DNAH9: variants seen among roughly 807,000 people sequenced by gnomAD.
The protein encoded by DNAH9 is DNAH9 variant protein.
In DNAH9, 345 loss-of-function variants were observed where a neutral mutation model predicts 471.6. That is an observed-to-expected ratio of 0.73 (90% CI 0.67 to 0.80). The LOEUF (loss-of-function observed/expected upper bound fraction) is 0.80, where lower values mean the gene tolerates loss of function less well. Among genes scored for constraint, DNAH9 ranks in the 30% least tolerant of loss-of-function variants. The pLI, the probability that DNAH9 is intolerant of heterozygous loss-of-function variation, is 0.00. For missense variants in DNAH9, 5,407 were observed against 5,609.2 expected, an observed-to-expected ratio of 0.96 and a Z score of 1.15; for synonymous variants, 2,093 against 2,123.6, an observed-to-expected ratio of 0.99 and a Z score of 0.40.
intron 9 of DNAH9, among the ~76,000 whole-genome samples, chr17:11,637,186 T>TG (rs2150680699): frequency 6.6e-6 from 1 of 152,250 alleles, no homozygotes; most frequent in East Asian, 1.9e-4. Flanking sequence ...ATGCTTCTGG[T>TG]GGGAGGAACC....
chr17:11,727,590 G>A (rs2075178109), intron 27 of DNAH9, among the ~76,000 whole-genome samples: 1 of 152,084 alleles, frequency 6.6e-6, no homozygotes, highest in Non-Finnish European at 1.5e-5. Context: ...CATTTTAAAG[G>A]GATTTTCATC....
Position 11,616,898 on chromosome 17 carries a change from A to G in DNAH9, c.905-513A>G, listed in dbSNP as rs547494017. ...TCATCAGAGCCACCACCATTTATCAAACACCTGCATTGGTCCAAGCACTGT... is the reference window on the plus strand; with the variant it reads ...TCATCAGAGCCACCACCATTTATCAGACACCTGCATTGGTCCAAGCACTGT... On this transcript the variant is annotated intron_variant, in intron 4 of 68. Transcript: ENST00000262442. Among the ~76,000 whole-genome samples the G allele has an allele frequency of 5.9e-5, 9 of 152,268 alleles. No individual in the cohort carries two copies. In the East Asian group the frequency reaches 1.5e-3, roughly 26 times the overall value.
At chr17:11,628,959 A>G (rs2073017117) in intron 6 of DNAH9, among the ~76,000 whole-genome samples, 2 of 152,062 alleles carry the variant, frequency 1.3e-5, no homozygotes. Flanking sequence ...AGTTATTTTT[A>G]CCAGCCCGAT....
chr17:11,957,641 T>G (rs1975719504), intron 67 of DNAH9, among the ~76,000 whole-genome samples: 1 of 148,180 alleles, frequency 6.7e-6, no homozygotes, highest in African/African-American at 2.5e-5. Context: ...AACAAAACTG[T>G]TCTCTTCAGC....
rs765907097 is a variant in DNAH9 at position 11,680,907 on chromosome 17, C to T, written c.3743+18C>T. 10 of 1,593,960 alleles carry T rather than the reference C, an allele frequency of 6.3e-6. No individual in the cohort carries two copies. The highest frequency in any genetic ancestry group is 8.6e-6 in the Non-Finnish European group (10 of 1,168,962). ...CCGTTCAGGTATGGGCCGAACACTGCTGCCTCTCTTTCTGTGAACACTGCA... is the reference window on the plus strand; with the variant it reads ...CCGTTCAGGTATGGGCCGAACACTGTTGCCTCTCTTTCTGTGAACACTGCA... On this transcript the variant is annotated intron_variant, in intron 19 of 68. Coordinates refer to ENST00000262442, the MANE Select transcript of DNAH9 (RefSeq NM_001372.4).
chr17:11,778,206 G>A (rs1051817876), intron 38 of DNAH9, among the ~76,000 whole-genome samples: 1 of 151,488 alleles, frequency 6.6e-6, no homozygotes, highest in African/African-American at 2.4e-5. Context: ...CTCATGATCA[G>A]AAACAACTAC....
intron 17 of DNAH9, among the ~76,000 whole-genome samples, chr17:11,679,192 C>T (rs1467972005): frequency 2.0e-5 from 3 of 152,120 alleles, no homozygotes; most frequent in Non-Finnish European, 4.4e-5. Flanking sequence ...TTTGTTTCTT[C>T]CTGCCATATA....
chr17:11,735,012 T>G (rs1402054536), intron 28 of DNAH9, among the ~76,000 whole-genome samples: 1 of 152,134 alleles, frequency 6.6e-6, no homozygotes, highest in East Asian at 1.9e-4. Context: ...TGGACCCCAT[T>G]CCCAGAATTT....
intron 62 of DNAH9, among the ~76,000 whole-genome samples, chr17:11,925,826 C>T (rs1278537960): frequency 6.6e-6 from 1 of 152,070 alleles, no homozygotes; most frequent in Non-Finnish European, 1.5e-5. Context: ...GCCTGCCTTT[C>T]CCCCTGAATA....
chr17:11,692,097 A>G (rs571935961), intron 20 of DNAH9, among the ~76,000 whole-genome samples: 6 of 152,208 alleles, frequency 3.9e-5, no homozygotes, highest in African/African-American at 1.4e-4. Flanking sequence ...CACTGTGCCC[A>G]GCCTACCCTC....
rs191749106 is a variant in DNAH9 at position 11,605,061 on chromosome 17, C to T, written c.418-3068C>T. ...CACCTATTCTTTGGGATCACTCTGT[C>T]CCCGCTTTCCTTGCTTCCACACTGC... On this transcript the variant is annotated intron_variant, in intron 1 of 68. Coordinates refer to ENST00000262442, the MANE Select transcript of DNAH9 (RefSeq NM_001372.4). Among the ~76,000 whole-genome samples the T allele has an allele frequency of 3.3e-5, 5 of 152,274 alleles. No homozygotes were observed. The East Asian group carries it at 9.7e-4, about 29-fold the overall frequency.
intron 8 of DNAH9, among the ~76,000 whole-genome samples, chr17:11,634,484 C>T (rs1486019718): frequency 6.6e-6 from 1 of 152,152 alleles, no homozygotes; most frequent in African/African-American, 2.4e-5. Flanking sequence ...GGACTGTGAA[C>T]AGACGGTGCA....
chr17:11,888,052 G>C (rs563464808), intron 57 of DNAH9, among the ~76,000 whole-genome samples: 1 of 150,916 alleles, frequency 6.6e-6, no homozygotes, highest in South Asian at 2.1e-4. Flanking sequence ...GCGCGATCTC[G>C]GCTTACTGCA....
intron 48 of DNAH9, among the ~76,000 whole-genome samples, chr17:11,831,206 C>A (rs1970675265): frequency 6.6e-6 from 1 of 152,140 alleles, no homozygotes; most frequent in Non-Finnish European, 1.5e-5. Context: ...TTATTTGGCT[C>A]ACAGTTCTGC....
intron 9 of DNAH9, among the ~76,000 whole-genome samples, chr17:11,639,593 G>T (rs1456813269): frequency 6.6e-6 from 1 of 152,182 alleles, no homozygotes; most frequent in African/African-American, 2.4e-5. Flanking sequence ...ATTAAGCAGG[G>T]AAGATATTAT....
At chr17:11,822,139 A>G in intron 46 of DNAH9, 77 bp downstream of exon 46, 1 of 1,507,794 alleles carries the variant, frequency 6.6e-7, no homozygotes, top group Non-Finnish European at 8.9e-7. Flanking sequence ...TTTCGGGCAC[A>G]ACTGTCCTTA....
chr17:11,774,564 G>A (rs1968345271), intron 38 of DNAH9, among the ~76,000 whole-genome samples: 1 of 152,098 alleles, frequency 6.6e-6, no homozygotes, highest in African/African-American at 2.4e-5. Context: ...CAAATCTCAT[G>A]AGACTTATTC....
chr17:11,869,081 G>A, intron 50 of DNAH9, 53 bp from the exon 51 acceptor site: 1 of 1,598,556 alleles, frequency 6.3e-7, no homozygotes, highest in Non-Finnish European at 8.5e-7. Flanking sequence ...AATGAGCACT[G>A]GTAGTTACAT....
At chr17:11,747,201 A>G (rs1025367571) in intron 31 of DNAH9, among the ~76,000 whole-genome samples, 2 of 152,162 alleles carry the variant, frequency 1.3e-5, no homozygotes, top group Non-Finnish European at 2.9e-5. Context: ...CACCTTATAA[A>G]TACCTCTAAG....
Sources: allele counts gnomAD v4.1 joint callset (sites outside exome capture counted in the v4.1 genomes callset), GRCh38; gene constraint gnomAD v4.1.1; transcripts MANE v1.5; gene names NCBI Gene and HGNC (gene_info 2026-07-23, HGNC 2026-07-21).